Variants in SAE1 observed in about 807,000 individuals in gnomAD.
SAE1 encodes the protein SUMO1 activating enzyme subunit 1, also known as SUMO-activating enzyme subunit 1.
Under a neutral mutation model 40.6 loss-of-function variants are expected in SAE1, and 11 were observed. The ratio of observed to expected loss-of-function variants is 0.27; its 90% CI spans 0.17 to 0.45. The LOEUF (loss-of-function observed/expected upper bound fraction) is 0.45, where lower values mean the gene tolerates loss of function less well. SAE1 is among the 20% of genes least tolerant of loss of function. SAE1 has a pLI of 1.00. For missense variants in SAE1, 373 were observed against 427.3 expected (o/e 0.87, Z 1.12); for synonymous variants, 155 against 154.3 (o/e 1.00, Z -0.03).
chr19:47,185,007 A>G (rs1038398504), intron 6 of SAE1, among the ~76,000 whole-genome samples: 1 of 151,294 alleles, frequency 6.6e-6, no homozygotes, highest in Non-Finnish European at 1.5e-5. Context: ...TTTAGTAGAG[A>G]TGAGGTTTCA....
chr19:47,155,478 TGA>T (rs1369107178), intron 5 of SAE1, among the ~76,000 whole-genome samples: 2 of 151,854 alleles, frequency 1.3e-5, no homozygotes, highest in Non-Finnish European at 2.9e-5. Flanking sequence ...TTTGTGTGTG[TGA>T]GATGGAATTT....
chr19:47,203,224 C>T (rs2058665244), intron 7 of SAE1, among the ~76,000 whole-genome samples: 1 of 152,114 alleles, frequency 6.6e-6, no homozygotes, highest in African/African-American at 2.4e-5. Context: ...ACTTTAATTT[C>T]ACGCCTCAAA....
In SAE1 at chr19:47,155,169, A is replaced by G. The variant is rs1298691266; in HGVS notation, c.583A>G (p.Lys195Glu). 1.2e-6 allele frequency: 2 copies of G among 1,614,072 alleles called. No homozygotes were observed. The highest frequency in any genetic ancestry group is 1.1e-5 in the South Asian group (1 of 91,070). Residue 195 changes from lysine to glutamate, a missense_variant, in exon 5 of 9, where the codon AAG becomes GAG. Physicochemically the swap from Lys to Glu is moderately conservative, Grantham distance 56 (BLOSUM62 1). Coordinates refer to ENST00000270225, the MANE Select transcript of SAE1 (RefSeq NM_005500.3). ...AGGAGTAGAAGATGGGCCCGACACC[A>G]AGAGAGCAAAACTTGATTCTTCTGA... ...SQGVEDGPDTKRAKLDSSETT... is the reference protein window; with the variant it reads ...SQGVEDGPDTERAKLDSSETT...
At chr19:47,134,435 C>T (rs1254881374) in intron 1 of SAE1, among the ~76,000 whole-genome samples, 1 of 151,898 alleles carries the variant, frequency 6.6e-6, no homozygotes, top group Non-Finnish European at 1.5e-5. Flanking sequence ...GAGGCATTAA[C>T]ATTGGTGGGA....
intron 6 of SAE1, among the ~76,000 whole-genome samples, chr19:47,195,998 T>C (rs2058611951): frequency 1.3e-5 from 2 of 150,014 alleles, no homozygotes; most frequent in African/African-American, 2.5e-5. Flanking sequence ...CCCCCCAAAG[T>C]GTTGGGATTG....
chr19:47,203,795 G>A (rs368887138), intron 8 of SAE1, 55 bp downstream of exon 8: 36 of 1,462,044 alleles, frequency 2.5e-5, no homozygotes, highest in Non-Finnish European at 3.2e-5. Flanking sequence ...TATATGTGCT[G>A]ACAGAGAGAA....
At chr19:47,164,358 CG>C (rs1052010106) in intron 5 of SAE1, among the ~76,000 whole-genome samples, 1 of 151,674 alleles carries the variant, frequency 6.6e-6, no homozygotes, top group Non-Finnish European at 1.5e-5. Context: ...TTAGTAGAGA[CG>C]GGTTTCACCG....
At chr19:47,189,048 C>G (rs886617308) in intron 6 of SAE1, among the ~76,000 whole-genome samples, 1 of 152,196 alleles carries the variant, frequency 6.6e-6, no homozygotes, top group Admixed American at 6.5e-5. Context: ...TCTGCCCTCG[C>G]CTGCCCAGCC....
intron 1 of SAE1, among the ~76,000 whole-genome samples, chr19:47,134,313 G>C (rs1300140686): frequency 1.3e-5 from 2 of 152,088 alleles, no homozygotes; most frequent in Non-Finnish European, 2.9e-5. Context: ...TTAGTTTGAG[G>C]GGGTGGGAGC....
intron 6 of SAE1, among the ~76,000 whole-genome samples, chr19:47,190,098 C>A (rs1316111540): frequency 6.6e-6 from 1 of 152,186 alleles, no homozygotes; most frequent in Admixed American, 6.5e-5. Flanking sequence ...TAAGCCGAGA[C>A]ACTAGTCCAT....
At chr19:47,191,778 G>T (rs2058579443) in intron 6 of SAE1, among the ~76,000 whole-genome samples, 1 of 151,982 alleles carries the variant, frequency 6.6e-6, no homozygotes, top group South Asian at 2.1e-4. Context: ...GGAATAGGCC[G>T]GGCGCGGTGG....
intron 5 of SAE1, among the ~76,000 whole-genome samples, chr19:47,155,686 C>T (rs2058318599): frequency 6.6e-6 from 1 of 150,998 alleles, no homozygotes; most frequent in Non-Finnish European, 1.5e-5. Flanking sequence ...AGGTGATCCA[C>T]CCGCCTCAGC....
intron 8 of SAE1, among the ~76,000 whole-genome samples, chr19:47,207,139 G>C (rs904716737): frequency 2.6e-5 from 4 of 152,306 alleles, no homozygotes; most frequent in African/African-American, 9.6e-5. Flanking sequence ...AGCTACTCAA[G>C]AGGGTATGGG....
chr19:47,143,339 A>G (rs2058233884), intron 1 of SAE1, among the ~76,000 whole-genome samples, 155 bp from the exon 2 acceptor site: 1 of 152,234 alleles, frequency 6.6e-6, no homozygotes, highest in East Asian at 1.9e-4. Flanking sequence ...TCCTGACCTC[A>G]AGTGATCCGC....
chr19:47,130,839 CG>C lies in SAE1; in HGVS notation c.-89del. The C allele has an allele frequency of 1.3e-6, 2 of 1,537,854 alleles. No homozygotes were observed. The highest frequency in any genetic ancestry group is 2.8e-5 in the African/African-American group (2 of 72,608). The stretch of plus-strand genomic sequence containing the variant: ...GGTCTGCGCATGCGCAGAAGCACTC[CG>C]GGCGTGCTGCCGGCGGCGGTAGGTG... On this transcript the variant is annotated 5_prime_UTR_variant, in exon 1 of 9. Coordinates refer to ENST00000270225, the MANE Select transcript of SAE1 (RefSeq NM_005500.3).
chr19:47,149,123 A>T (rs1600157915), intron 2 of SAE1, among the ~76,000 whole-genome samples: 1 of 137,052 alleles, frequency 7.3e-6, no homozygotes, highest in African/African-American at 2.7e-5. Flanking sequence ...AATTGCTGGG[A>T]TTACAGATGT....
At chr19:47,194,726 G>A (rs962802640) in intron 6 of SAE1, among the ~76,000 whole-genome samples, 4 of 151,706 alleles carry the variant, frequency 2.6e-5, no homozygotes, top group Non-Finnish European at 5.9e-5. Flanking sequence ...GCAGTTAGAA[G>A]GTGTTGGTAT....
chr19:47,195,730 T>C (rs1441259534), intron 6 of SAE1, among the ~76,000 whole-genome samples: 2 of 133,450 alleles, frequency 1.5e-5, no homozygotes, highest in Non-Finnish European at 1.5e-5. Context: ...CTTTCCTTTT[T>C]TTCTTCTTTT....
At chr19:47,175,648 GAA>G (rs2058464733) in intron 6 of SAE1, among the ~76,000 whole-genome samples, 1 of 152,166 alleles carries the variant, frequency 6.6e-6, no homozygotes, top group Admixed American at 6.5e-5. Context: ...TGAGGTGAGA[GAA>G]TCTCTTGAAC....
Sources: allele counts gnomAD v4.1 joint callset (sites outside exome capture counted in the v4.1 genomes callset), GRCh38; gene constraint gnomAD v4.1.1; transcripts MANE v1.5; gene names NCBI Gene and HGNC (gene_info 2026-07-23, HGNC 2026-07-21).